The following ZNF536 variants were observed in gnomAD, a reference collection of about 807,000 sequenced individuals.
The protein encoded by ZNF536 is zinc finger protein 536.
A neutral mutation model predicts 84.5 loss-of-function variants in ZNF536; 13 were observed. That is an observed-to-expected ratio of 0.15 (90% CI 0.10 to 0.24). ZNF536 has a LOEUF of 0.24. ZNF536 is among the 10% of genes least tolerant of loss of function. ZNF536 has a pLI of 1.00. For synonymous variants in ZNF536, 811 were observed against 742.5 expected, an observed-to-expected ratio of 1.09 and a Z score of -1.50; for missense variants, 1,536 against 1,747.5, an observed-to-expected ratio of 0.88 and a Z score of 2.16.
intron 1 of ZNF536, among the ~76,000 whole-genome samples, chr19:30,603,925 A>C (rs930831108): frequency 2.6e-5 from 4 of 152,194 alleles, no homozygotes; most frequent in African/African-American, 7.2e-5. Flanking sequence ...CCCAGTCTCT[A>C]CTAAAAATAC....
At chr19:30,657,887 A>T (rs1259954329) in intron 1 of ZNF536, among the ~76,000 whole-genome samples, 1 of 152,022 alleles carries the variant, frequency 6.6e-6, no homozygotes, top group Non-Finnish European at 1.5e-5. Context: ...GTCATCTCTT[A>T]CCTGGATTAT....
At chr19:30,365,123 G>T (rs1267237448) in intron 3 of ZNF536, among the ~76,000 whole-genome samples, 1 of 152,166 alleles carries the variant, frequency 6.6e-6, no homozygotes, top group East Asian at 1.9e-4. Context: ...CTTATGAAAT[G>T]AACACGTAAT....
At chr19:30,611,033 C>A (rs897117477) in intron 1 of ZNF536, among the ~76,000 whole-genome samples, 1 of 152,176 alleles carries the variant, frequency 6.6e-6, no homozygotes, top group Non-Finnish European at 1.5e-5. Context: ...CAAGTCTGGG[C>A]TTCCCTGCCA....
At chr19:30,607,576 G>A (rs1342644541) in intron 1 of ZNF536, among the ~76,000 whole-genome samples, 2 of 151,850 alleles carry the variant, frequency 1.3e-5, no homozygotes, top group East Asian at 1.9e-4. Context: ...AGAAAAATTA[G>A]CTGGACGTGG....
chr19:30,666,081 C>CA (rs2050306927), intron 1 of ZNF536, among the ~76,000 whole-genome samples: 1 of 152,248 alleles, frequency 6.6e-6, no homozygotes, highest in Non-Finnish European at 1.5e-5. Flanking sequence ...GATGGGACTA[C>CA]ACCAAGTTTG....
intron 2 of ZNF536, among the ~76,000 whole-genome samples, chr19:30,501,761 G>A (rs989942670): frequency 1.3e-5 from 2 of 152,200 alleles, no homozygotes; most frequent in African/African-American, 4.8e-5. Flanking sequence ...AGGGCATGAG[G>A]CACATCCTAT....
At position 30,630,334 on chromosome 19, in the gene ZNF536, T is replaced by C. The variant is rs569928729; in HGVS notation, c.170-80423T>C. Among the ~76,000 whole-genome samples, 7 of 152,266 alleles carry C rather than the reference T, an allele frequency of 4.6e-5. No individual in the cohort carries two copies. The East Asian group carries it at 1.4e-3, about 29-fold the overall frequency. On this transcript the variant is annotated intron_variant, in intron 1 of 1. Transcript: ENST00000592773. ...TGCAAAAGTAATTGCACCAACATAA[T>C]GGATTTGGAAGGCAGGATACATCAG...
intron 2 of ZNF536, among the ~76,000 whole-genome samples, chr19:30,334,389 C>T (rs985683940): frequency 2.0e-5 from 3 of 152,152 alleles, no homozygotes; most frequent in Admixed American, 1.3e-4. Context: ...GAATTCTAAT[C>T]GAATTCCTGT....
chr19:30,567,314 G>A (rs1161332560), intron 1 of ZNF536, among the ~76,000 whole-genome samples: 1 of 152,182 alleles, frequency 6.6e-6, no homozygotes, highest in African/African-American at 2.4e-5. Context: ...GCGGGGCACT[G>A]GGTAGGGACC....
intron 1 of ZNF536, among the ~76,000 whole-genome samples, chr19:30,673,531 G>T (rs898357706): frequency 1.3e-5 from 2 of 152,032 alleles, no homozygotes; most frequent in African/African-American, 4.8e-5. Flanking sequence ...CACATACATC[G>T]CCCGCACAGC....
At chr19:30,620,750 T>C (rs190655018) in intron 1 of ZNF536, among the ~76,000 whole-genome samples, 1 of 152,292 alleles carries the variant, frequency 6.6e-6, no homozygotes, top group African/African-American at 2.4e-5. Context: ...TTGCAAACCT[T>C]TTGAATGACA....
intron 1 of ZNF536, among the ~76,000 whole-genome samples, chr19:30,683,292 G>T (rs995636161): frequency 2.6e-5 from 4 of 152,186 alleles, no homozygotes; most frequent in South Asian, 2.1e-4. Context: ...GATGTGAAAG[G>T]GTGGAAAAGA....
chr19:30,374,866 G>A (rs965294985), intron 1 of ZNF536, among the ~76,000 whole-genome samples: 4 of 151,412 alleles, frequency 2.6e-5, no homozygotes, highest in Non-Finnish European at 4.4e-5. Context: ...CTGGCCCCCC[G>A]CCCGGGCTGG....
chr19:30,374,249 C>G (rs1391692630), intron 1 of ZNF536, among the ~76,000 whole-genome samples: 2 of 151,322 alleles, frequency 1.3e-5, no homozygotes, highest in Non-Finnish European at 2.9e-5. Context: ...ATAAATTGCA[C>G]CTTAAGAAGA....
chr19:30,384,258 T>TCC (rs1288151211), intron 1 of ZNF536, among the ~76,000 whole-genome samples: 9 of 61,578 alleles, frequency 1.5e-4, no homozygotes, highest in Admixed American at 2.2e-4. Context: ...CTCCCTCCCT[T>TCC]TCTTCTTTCT....
intron 1 of ZNF536, among the ~76,000 whole-genome samples, chr19:30,613,259 G>A (rs983512222): frequency 4.6e-5 from 7 of 152,066 alleles, no homozygotes; most frequent in African/African-American, 7.2e-5. Context: ...AAAAAGCATC[G>A]TGTGGGCAGA....
intron 1 of ZNF536, among the ~76,000 whole-genome samples, chr19:30,609,968 A>C (rs1599991741): frequency 6.6e-6 from 1 of 151,894 alleles, no homozygotes; most frequent in Non-Finnish European, 1.5e-5. Context: ...CCACTTATCC[A>C]TCCATTCATT....
chr19:30,269,418 G>T (rs1408094544), intron 1 of ZNF536, among the ~76,000 whole-genome samples: 2 of 152,164 alleles, frequency 1.3e-5, no homozygotes, highest in Non-Finnish European at 2.9e-5. Flanking sequence ...TACAGGCAGG[G>T]AGGGGGAGAG....
At chr19:30,614,985 C>G (rs1297084646) in intron 1 of ZNF536, among the ~76,000 whole-genome samples, 2 of 51,842 alleles carry the variant, frequency 3.9e-5, no homozygotes, top group Non-Finnish European at 7.4e-5. Context: ...TTCGCTCTGT[C>G]GCCCAGGCTG....
Sources: allele counts gnomAD v4.1 joint callset (sites outside exome capture counted in the v4.1 genomes callset), GRCh38; gene constraint gnomAD v4.1.1; transcripts MANE v1.5; gene names NCBI Gene and HGNC (gene_info 2026-07-23, HGNC 2026-07-21).